Variants in HDAC8 observed in about 807,000 individuals in gnomAD.
HDAC8 encodes histone deacetylase 8, also known as histone deacetylase-like 1.
Under a neutral mutation model 32.2 loss-of-function variants are expected in HDAC8, and 1 was observed. That is an observed-to-expected ratio of 0.03 (90% CI 0.01 to 0.15). The LOEUF is 0.15. Among genes scored for constraint, HDAC8 ranks in the 10% least tolerant of loss-of-function variants. The pLI is 1.00. For synonymous variants in HDAC8, 108 were observed against 113.9 expected, an observed-to-expected ratio of 0.95 and a Z score of 0.33; for missense variants, 117 against 300.0, an observed-to-expected ratio of 0.39 and a Z score of 4.51.
chrX:72,392,574 T>C (rs2045640370), intron 9 of HDAC8, among the ~76,000 whole-genome samples: 1 of 112,353 alleles, frequency 8.9e-6, no homozygotes, highest in Non-Finnish European at 1.9e-5. Flanking sequence ...CTTAGAATTA[T>C]ACACTTGCTG....
chrX:72,548,061 G>A (rs1415352484), intron 4 of HDAC8, among the ~76,000 whole-genome samples: 1 of 111,509 alleles, frequency 9.0e-6, no homozygotes, highest in Non-Finnish European at 1.9e-5. Context: ...TACCTTAAGC[G>A]GTCTCCCTAC....
chrX:72,511,097 A>G (rs1393272635), intron 4 of HDAC8, among the ~76,000 whole-genome samples: 1 of 111,612 alleles, frequency 9.0e-6, no homozygotes, highest in African/African-American at 3.3e-5. Context: ...GCAAGATTCA[A>G]TCAGGTTCAG....
intron 10 of HDAC8, among the ~76,000 whole-genome samples, chrX:72,334,063 T>C (rs2043611677): frequency 8.9e-6 from 1 of 112,342 alleles, no homozygotes; most frequent in Non-Finnish European, 1.9e-5. Context: ...CACCAAGAAG[T>C]TGATGATGAG....
chrX:72,350,452 T>G (rs1555948453), intron 10 of HDAC8, among the ~76,000 whole-genome samples: 1 of 111,331 alleles, frequency 9.0e-6, no homozygotes, highest in African/African-American at 3.3e-5. Context: ...TCAGACTAAC[T>G]CCAGCATAGA....
intron 9 of HDAC8, among the ~76,000 whole-genome samples, chrX:72,435,069 T>C (rs1555978673): frequency 8.9e-6 from 1 of 112,680 alleles, no homozygotes; most frequent in African/African-American, 3.2e-5. Context: ...AGGAATATAA[T>C]GAACAGTAAG....
intron 9 of HDAC8, among the ~76,000 whole-genome samples, chrX:72,358,119 C>T (rs915937430): frequency 1.3e-4 from 14 of 110,150 alleles, no homozygotes; most frequent in Non-Finnish European, 1.9e-4. Context: ...GTTGGCCAGG[C>T]TGGTCTCGCC....
At chrX:72,413,325 T>C (rs782014704) in intron 9 of HDAC8, among the ~76,000 whole-genome samples, 3 of 90,531 alleles carry the variant, frequency 3.3e-5, no homozygotes, top group African/African-American at 1.2e-4. Context: ...TGTCCATGTG[T>C]TCTCATTGTT....
Position 72,370,816 on chromosome X carries a change from C to T in HDAC8, c.1006-18978G>A, listed in dbSNP as rs367732867. ...CATGAGAGAAAGATGTAGGCTGGGA[C>T]GCTAGGCCAGTCTCTCCTTTCACAT... On this transcript the variant is annotated intron_variant, in intron 9 of 10. Coordinates refer to ENST00000373573, the MANE Select transcript of HDAC8 (RefSeq NM_018486.3). Among the ~76,000 whole-genome samples the T allele has an allele frequency of 1.1e-4, 12 of 112,013 alleles. No homozygotes were observed. In the South Asian group the frequency reaches 1.1e-3, roughly 11 times the overall value.
In HDAC8 at chrX:72,471,383, A is replaced by G. The variant is rs2048171486; in HGVS notation, c.738-6652T>C. On this transcript the variant is annotated intron_variant, in intron 7 of 10. Coordinates refer to ENST00000373573, the MANE Select transcript of HDAC8 (RefSeq NM_018486.3). ...AGTAGAATTGCTGGGTCATGTGGCA[A>G]CTCTATGTTTAACCATTTGAGGAAG... Among the ~76,000 whole-genome samples the G allele has an allele frequency of 2.7e-5, 3 of 111,933 alleles. No individual in the cohort carries two copies. In the South Asian group the frequency reaches 1.1e-3, roughly 42 times the overall value.
At chrX:72,382,779 G>A (rs2045301153) in intron 9 of HDAC8, among the ~76,000 whole-genome samples, 1 of 111,376 alleles carries the variant, frequency 9.0e-6, no homozygotes, top group African/African-American at 3.3e-5. Flanking sequence ...TTTCTTTTAG[G>A]GGGGATAATA....
intron 9 of HDAC8, among the ~76,000 whole-genome samples, chrX:72,428,613 AGAG>A (rs1569290398): frequency 8.9e-6 from 1 of 111,976 alleles, no homozygotes; most frequent in African/African-American, 3.2e-5. Context: ...TAGAGGTAAG[AGAG>A]GAGTACTGAA....
At chrX:72,572,428 C>A in intron 1 of HDAC8, 1 of 412,199 alleles carries the variant, frequency 2.4e-6, no homozygotes, top group Non-Finnish European at 4.1e-6. Context: ...CCCCCTCCCC[C>A]ACTCCTACCT....
chrX:72,438,562 C>T (rs5958794), intron 9 of HDAC8, among the ~76,000 whole-genome samples: 26,812 of 110,360 alleles, frequency 0.24, 5,827 homozygotes, highest in East Asian at 0.74. Flanking sequence ...GCTAAGAACC[C>T]TGAAAACAGG....
intron 9 of HDAC8, among the ~76,000 whole-genome samples, chrX:72,421,810 G>C (rs1197868005): frequency 9.0e-6 from 1 of 111,615 alleles, no homozygotes; most frequent in African/African-American, 3.3e-5. Flanking sequence ...CAACCAGAAG[G>C]ACTCCTTTTA....
intron 10 of HDAC8, among the ~76,000 whole-genome samples, chrX:72,336,067 G>A (rs1322503314): frequency 1.8e-5 from 2 of 111,545 alleles, no homozygotes; most frequent in African/African-American, 6.5e-5. Flanking sequence ...TAGATCATGT[G>A]GTAAGAATAT....
At chrX:72,384,769 G>A (rs1025252737) in intron 9 of HDAC8, among the ~76,000 whole-genome samples, 1 of 112,609 alleles carries the variant, frequency 8.9e-6, no homozygotes, top group Non-Finnish European at 1.9e-5. Flanking sequence ...AGTCCTTGCT[G>A]TGTCCTAGAT....
intron 4 of HDAC8, among the ~76,000 whole-genome samples, chrX:72,545,227 C>T (rs1188541054): frequency 8.9e-6 from 1 of 111,840 alleles, no homozygotes; most frequent in African/African-American, 3.3e-5. Flanking sequence ...GGCATATGGA[C>T]AAAGGGTAGT....
At chrX:72,526,534 A>G (rs2147389836) in intron 4 of HDAC8, among the ~76,000 whole-genome samples, 1 of 111,259 alleles carries the variant, frequency 9.0e-6, no homozygotes, top group African/African-American at 3.3e-5. Flanking sequence ...TAACTCCAGG[A>G]CCTTGAGAAC....
At chrX:72,566,656 G>T (rs1158761312) in intron 4 of HDAC8, among the ~76,000 whole-genome samples, 5 of 112,249 alleles carry the variant, frequency 4.5e-5, no homozygotes, top group African/African-American at 1.6e-4. Context: ...TGATTCCTGA[G>T]TGAGGCATTG....
Sources: allele counts gnomAD v4.1 joint callset (sites outside exome capture counted in the v4.1 genomes callset), GRCh38; gene constraint gnomAD v4.1.1; transcripts MANE v1.5; gene names NCBI Gene and HGNC (gene_info 2026-07-23, HGNC 2026-07-21).